VWF: variants seen among roughly 807,000 people sequenced by gnomAD.
VWF encodes the protein von Willebrand factor.
Under a neutral mutation model 308.6 loss-of-function variants are expected in VWF, and 176 were observed. The ratio of observed to expected loss-of-function variants is 0.57; its 90% CI spans 0.50 to 0.65. VWF has a LOEUF of 0.65. VWF is among the 30% of genes least tolerant of loss of function. The pLI, the probability that VWF is intolerant of heterozygous loss-of-function variation, is 0.00. For missense variants in VWF, 3,146 were observed against 3,648.2 expected, an observed-to-expected ratio of 0.86 and a Z score of 3.55; for synonymous variants, 1,385 against 1,443.4, an observed-to-expected ratio of 0.96 and a Z score of 0.92.
At chr12:6,077,680 G>A (rs1054884860) in intron 6 of VWF, among the ~76,000 whole-genome samples, 1 of 152,206 alleles carries the variant, frequency 6.6e-6, no homozygotes, top group Non-Finnish European at 1.5e-5. Flanking sequence ...CCAGCACCAC[G>A]TAGGCCAGCC....
At chr12:5,956,580 T>C in intron 47 of VWF, among the ~76,000 whole-genome samples, 1 of 150,590 alleles carries the variant, frequency 6.6e-6, no homozygotes, top group East Asian at 1.9e-4. Flanking sequence ...GAGTTTAAGC[T>C]GCAATGAGCT....
intron 38 of VWF, 55 bp downstream of exon 38, chr12:5,991,764 C>T: frequency 1.3e-6 from 2 of 1,594,640 alleles, no homozygotes; most frequent in Admixed American, 1.7e-5. Context: ...ACATATCTCC[C>T]TTTTGACCCA....
At chr12:6,057,525 A>ATTATTT (rs1841339633) in intron 14 of VWF, among the ~76,000 whole-genome samples, 1 of 138,508 alleles carries the variant, frequency 7.2e-6, no homozygotes, top group Non-Finnish European at 1.6e-5. Context: ...TATTATTATT[A>ATTATTT]TTTTAATAGA....
chr12:5,980,091 AAAGGAAGGAAGGAAGGAAGG>A (rs199720992), intron 42 of VWF, among the ~76,000 whole-genome samples: 1,373 of 74,794 alleles, frequency 0.018, 29 homozygotes, highest in African/African-American at 0.055. Flanking sequence ...GAAAAGAAAG[AAAGGAAGGAAGGAAGGAAGG>A]AAGGAAGGAA....
At position 6,028,072 on chromosome 12, in the gene VWF, G is replaced by A. The variant is rs577014899; in HGVS notation, c.2967+1270C>T. 4.6e-5 allele frequency among the ~76,000 whole-genome samples: 7 copies of A among 152,292 alleles called. No individual in the cohort carries two copies. The East Asian group carries it at 9.7e-4, about 21-fold the overall frequency. ...CACTGGCTTGTACAAGCTGAAAATG[G>A]ATGGTGTTATCAGGGATGCTGTGGA... On this transcript the variant is annotated intron_variant, in intron 22 of 51. Coordinates refer to ENST00000261405, the MANE Select transcript of VWF (RefSeq NM_000552.5).
At chr12:6,000,139 CA>C (rs1164404949) in intron 34 of VWF, among the ~76,000 whole-genome samples, 2 of 152,008 alleles carry the variant, frequency 1.3e-5, no homozygotes, top group South Asian at 2.1e-4. Context: ...TTCTGGAAAT[CA>C]AAAAAGAACC....
chr12:5,964,139 C>T (rs1943353381), intron 47 of VWF, among the ~76,000 whole-genome samples: 1 of 151,694 alleles, frequency 6.6e-6, no homozygotes. Context: ...ATGGCGTGAA[C>T]CTGGGAGGCG....
chr12:6,057,584 A>T (rs1051419119), intron 14 of VWF, among the ~76,000 whole-genome samples: 2 of 147,108 alleles, frequency 1.4e-5, no homozygotes, highest in African/African-American at 5.0e-5. Context: ...TCCTGCCCTC[A>T]AGCGATCCTC....
chr12:6,121,385 T>G (rs369855929), intron 2 of VWF, 47 bp from the exon 3 acceptor site: 13 of 1,605,456 alleles, frequency 8.1e-6, no homozygotes. Context: ...AGGGCACAAC[T>G]GGGACCATCA....
chr12:6,086,732 T>C (rs1438177646), intron 6 of VWF, among the ~76,000 whole-genome samples: 1 of 152,228 alleles, frequency 6.6e-6, no homozygotes, highest in East Asian at 1.9e-4. Context: ...AGAGTCACCA[T>C]GAGCAGAAAT....
chr12:5,987,720 T>G (rs953270572), intron 38 of VWF, among the ~76,000 whole-genome samples: 2 of 152,222 alleles, frequency 1.3e-5, no homozygotes, highest in Non-Finnish European at 2.9e-5. Context: ...AGCGTTATGC[T>G]GGGTGAAGGA....
At chr12:5,949,438 CATGTTA>C (rs1943153827) in intron 51 of VWF, among the ~76,000 whole-genome samples, 1 of 152,092 alleles carries the variant, frequency 6.6e-6, no homozygotes, top group Non-Finnish European at 1.5e-5. Flanking sequence ...AATTTTTATG[CATGTTA>C]ATGCATAAAA....
At chr12:6,108,004 A>G (rs995450057) in intron 5 of VWF, among the ~76,000 whole-genome samples, 9 of 151,968 alleles carry the variant, frequency 5.9e-5, no homozygotes, top group African/African-American at 2.2e-4. Context: ...CTCAAGATAT[A>G]CAAAGCAGGC....
chr12:6,050,389 T>G (rs1418506508), intron 16 of VWF, among the ~76,000 whole-genome samples: 1 of 152,218 alleles, frequency 6.6e-6, no homozygotes, highest in East Asian at 1.9e-4. Context: ...GCAGATGCTC[T>G]CCCTGCCATC....
chr12:5,990,032 C>T (rs1022119144), intron 38 of VWF, among the ~76,000 whole-genome samples: 2 of 152,182 alleles, frequency 1.3e-5, no homozygotes, highest in African/African-American at 2.4e-5. Context: ...ACAGAACAGG[C>T]AATTACTTAA....
At position 5,976,301 on chromosome 12, in the gene VWF, T is replaced by A. The variant is rs776716956; in HGVS notation, c.7288-41A>T. On this transcript the variant is annotated intron_variant, in intron 42 of 51. Transcript: ENST00000261405. ...TTCGTGAGTGAACTCATTTGTTTCA[T>A]TGAAACAAGCGGTGAGTTAGCACCT... is the stretch of plus-strand genomic sequence containing the variant. 2.5e-6 allele frequency: 4 copies of A among 1,613,492 alleles called. No homozygotes were observed. The South Asian group carries it at 3.3e-5, about 13-fold the overall frequency.
rs1413114056 is a variant in VWF at position 6,024,457 on chromosome 12, T to C, written c.3223-670A>G. On this transcript the variant is annotated intron_variant, in intron 24 of 51. Transcript: ENST00000261405. This position sits in a 1 kb window ranked among gnomAD's most constrained non-coding sequence, Gnocchi z 4.0. ...GTCTCAATGTCCCCAACTCCTCCCC[T>C]GTCCTCACTCTTCCAACTCAGATGC... Among the ~76,000 whole-genome samples, 1 of 151,974 alleles carries C rather than the reference T, an allele frequency of 6.6e-6. No individual in the cohort carries two copies. The highest frequency in any genetic ancestry group is 1.5e-5 in the Non-Finnish European group (1 of 68,042).
At chr12:6,051,775 A>G (rs1318584858) in intron 16 of VWF, among the ~76,000 whole-genome samples, 1 of 150,826 alleles carries the variant, frequency 6.6e-6, no homozygotes, top group Non-Finnish European at 1.5e-5. Context: ...ATGGCCAACT[A>G]TTTTTTTTTC....
chr12:6,079,960 C>A, intron 6 of VWF, among the ~76,000 whole-genome samples: 1 of 152,122 alleles, frequency 6.6e-6, no homozygotes, highest in East Asian at 1.9e-4. Flanking sequence ...AACAGATCCC[C>A]CTCATAAAGC....
Sources: gnomAD v4.1 joint callset for allele counts (sites outside exome capture counted in the v4.1 genomes callset) on GRCh38, gnomAD v4.1.1 for gene constraint, Gnocchi (gnomAD v3.1) non-coding constraint, MANE v1.5 for transcripts, NCBI Gene and HGNC (gene_info 2026-07-23, HGNC 2026-07-21) for gene names.